Variants in NCAPH observed in about 807,000 individuals in gnomAD.
NCAPH encodes non-SMC condensin I complex subunit H.
In NCAPH, 38 loss-of-function variants were observed where a neutral mutation model predicts 85.5. That is an observed-to-expected ratio of 0.44 (90% confidence interval 0.34 to 0.58). NCAPH has a LOEUF of 0.58. Ranked by LOEUF, NCAPH falls within the 20% of genes least tolerant of loss-of-function variation. The pLI, the probability that NCAPH is intolerant of heterozygous loss-of-function variation, is 0.01. For synonymous variants in NCAPH, 301 were observed against 335.1 expected (o/e 0.90, Z 1.11); for missense variants, 789 against 916.6 (o/e 0.86, Z 1.80).
intron 6 of NCAPH, among the ~76,000 whole-genome samples, chr2:96,346,411 G>C (rs752357552): frequency 7.2e-5 from 11 of 152,128 alleles, no homozygotes; most frequent in Non-Finnish European, 1.0e-4. Context: ...GCATTATTTT[G>C]TGTCTCTGTC....
At chr2:96,358,117 T>A (rs2064548372) in intron 9 of NCAPH, among the ~76,000 whole-genome samples, 1 of 152,124 alleles carries the variant, frequency 6.6e-6, no homozygotes, top group Non-Finnish European at 1.5e-5. Flanking sequence ...TCTCTATTTT[T>A]TAAAAATGTA....
At position 96,374,048 on chromosome 2, in the gene NCAPH, A is replaced by G. The variant is rs914991832; in HGVS notation, c.*697A>G. ...GACTGGGTCCTGCTTAAATCCCAGG[A>G]TTCTGCTGGAGGGAGCTGATAGTGA... On this transcript the variant is annotated 3_prime_UTR_variant, in exon 18 of 18. Coordinates refer to ENST00000240423, the MANE Select transcript of NCAPH (RefSeq NM_015341.5). 7.2e-5 allele frequency among the ~76,000 whole-genome samples: 11 copies of G among 152,216 alleles called. No individual in the cohort carries two copies. The highest frequency in any genetic ancestry group is 2.4e-4 in the African/African-American group (10 of 41,458).
intron 10 of NCAPH, 95 bp downstream of exon 10, chr2:96,359,288 C>G (rs2064572124): frequency 1.4e-6 from 2 of 1,455,502 alleles, no homozygotes; most frequent in Non-Finnish European, 1.9e-6. Flanking sequence ...AGTCACAGCC[C>G]TGTTGTGTCT....
chr2:96,362,949 G>A (rs934099873), intron 12 of NCAPH, among the ~76,000 whole-genome samples: 14 of 152,208 alleles, frequency 9.2e-5, no homozygotes, highest in African/African-American at 2.4e-4. Context: ...AAGAAGCTCC[G>A]CTATGGATAA....
rs61098871 is a variant in NCAPH at position 96,371,143 on chromosome 2, C to T, written c.2166+1643C>T. On this transcript the variant is annotated intron_variant, in intron 17 of 17. Coordinates refer to ENST00000240423, the MANE Select transcript of NCAPH (RefSeq NM_015341.5). ...ACAAGTGGCTCTGCTGAGGATATAC[C>T]ATCTGAGGTGGGTGGTGTGCAGGCC... Among the ~76,000 whole-genome samples, 323 of 152,174 alleles carry T rather than the reference C, an allele frequency of 2.1e-3. 2 individuals carry two copies. The highest frequency in any genetic ancestry group is 7.4e-3 in the African/African-American group (309 of 41,504).
At chr2:96,348,188 CTCTT>C (rs2064386557) in intron 6 of NCAPH, among the ~76,000 whole-genome samples, 2 of 150,746 alleles carry the variant, frequency 1.3e-5, no homozygotes, top group African/African-American at 2.4e-5. Context: ...CAAGGTCTCT[CTCTT>C]TTTTTTTTTT....
intron 9 of NCAPH, among the ~76,000 whole-genome samples, chr2:96,357,799 C>T (rs2064543954): frequency 1.3e-5 from 2 of 152,012 alleles, no homozygotes; most frequent in African/African-American, 4.8e-5. Context: ...TTTTAAAAGC[C>T]TTTTTAGCTT....
At chr2:96,355,859 C>T (rs1558797081) in intron 9 of NCAPH, among the ~76,000 whole-genome samples, 1 of 152,010 alleles carries the variant, frequency 6.6e-6, no homozygotes, top group Non-Finnish European at 1.5e-5. Context: ...TGGTCTCGAT[C>T]TCCTGACCTC....
Position 96,352,012 on chromosome 2 carries a change from A to C in NCAPH, c.902A>C (p.Asp301Ala), listed in dbSNP as rs1299726146. The C allele has an allele frequency of 1.2e-6, 2 of 1,609,720 alleles. No individual in the cohort carries two copies. The highest frequency in any genetic ancestry group is 3.4e-5 in the Admixed American group (2 of 58,906). Reference sequence around the variant, plus strand: ...GAGTTAGGTTGTGTAGAAATGACAGATTTAAAAGGTAAGTACAAGTGATGC... The same window carrying C: ...GAGTTAGGTTGTGTAGAAATGACAGCTTTAAAAGGTAAGTACAAGTGATGC... The part of the protein sequence containing the change: ...LPELGCVEMT[D>A]LKAPLQQCAE... Residue 301 changes from aspartate to alanine, a missense_variant, in exon 7 of 18, where the codon GAT becomes GCT. Coordinates refer to ENST00000240423, the MANE Select transcript of NCAPH (RefSeq NM_015341.5).
chr2:96,361,776 ATATATACACATATATATGTATATATATG>A (rs2064618335), intron 12 of NCAPH, among the ~76,000 whole-genome samples: 1 of 135,176 alleles, frequency 7.4e-6, no homozygotes, highest in East Asian at 2.1e-4. Flanking sequence ...ATACATATAT[ATATATACACATATATATGTATATATATG>A]TGTATATATA....
In NCAPH at chr2:96,374,165, G is replaced by A. The variant is rs1175543090; in HGVS notation, c.*814G>A. 2.0e-5 allele frequency among the ~76,000 whole-genome samples: 3 copies of A among 152,168 alleles called. No individual in the cohort carries two copies. The highest frequency in any genetic ancestry group is 2.9e-5 in the Non-Finnish European group (2 of 68,024). On this transcript the variant is annotated 3_prime_UTR_variant, in exon 18 of 18. Coordinates refer to ENST00000240423, the MANE Select transcript of NCAPH (RefSeq NM_015341.5). ...TGACTCTCATGTTGGAGGAGGAAAC[G>A]GACACCCAAGGTAGAGGAACTTGCA... is the stretch of plus-strand genomic sequence containing the variant.
intron 9 of NCAPH, among the ~76,000 whole-genome samples, chr2:96,357,206 A>T (rs758556266): frequency 6.6e-6 from 1 of 152,212 alleles, no homozygotes; most frequent in East Asian, 1.9e-4. Flanking sequence ...TTATCTTGCC[A>T]GTGTTAGGAC....
Position 96,360,618 on chromosome 2 carries a change from G to A in NCAPH, c.1495G>A (p.Glu499Lys). 1 of 1,614,036 alleles carries A rather than the reference G, an allele frequency of 6.2e-7. No individual in the cohort carries two copies. Among genetic ancestry groups the A allele is most frequent in the Non-Finnish European group, 8.5e-7 (1 of 1,179,984 alleles). The part of the protein sequence containing the change: ...AATILTKSTL[E>K]NQNWRATTLP... ...TACTATTCTGACCAAGTCCACTTTG[G>A]AGAACCAGAATTGGAGAGCTACCAC... is the stretch of plus-strand genomic sequence containing the variant. Residue 499 changes from glutamate (E) to lysine (K), a missense_variant, in exon 12 of 18, where the codon GAG becomes AAG. Physicochemically the swap from Glu to Lys is moderately conservative, Grantham distance 56. Coordinates refer to ENST00000240423, the MANE Select transcript of NCAPH (RefSeq NM_015341.5).
chr2:96,343,097 C>T, intron 4 of NCAPH, 69 bp from the exon 5 acceptor site: 4 of 1,579,472 alleles, frequency 2.5e-6, no homozygotes, highest in Non-Finnish European at 1.7e-6. Context: ...GTGAAGCTTG[C>T]TGTGTTTTAC....
intron 4 of NCAPH, 32 bp downstream of exon 4, chr2:96,342,880 G>T: frequency 6.5e-7 from 1 of 1,545,248 alleles, no homozygotes; most frequent in South Asian, 1.1e-5. Context: ...TCTTGCATCT[G>T]AATTAAATGA....
At chr2:96,347,199 C>T (rs2064373049) in intron 6 of NCAPH, among the ~76,000 whole-genome samples, 1 of 151,982 alleles carries the variant, frequency 6.6e-6, no homozygotes. Context: ...GAAGAGAAAG[C>T]AGCCACTGCA....
chr2:96,376,236 AAGGGC>A lies in NCAPH; in HGVS notation c.*2889_*2893del, dbSNP rs2064830453. Among the ~76,000 whole-genome samples the A allele has an allele frequency of 6.6e-6, 1 of 152,246 alleles. No individual in the cohort carries two copies. The highest frequency in any genetic ancestry group is 6.5e-5 in the Admixed American group (1 of 15,292). ...TCTCTGCCAAACAGAACCAGAATTTAAGGGCAGGAGAATTTGCAAGATAGAATTTG... is the reference window on the plus strand; with the variant it reads ...TCTCTGCCAAACAGAACCAGAATTTAAGGAGAATTTGCAAGATAGAATTTG... On this transcript the variant is annotated 3_prime_UTR_variant, in exon 18 of 18. Coordinates refer to ENST00000240423, the MANE Select transcript of NCAPH (RefSeq NM_015341.5).
At chr2:96,368,947 C>T (rs1179356874) in intron 15 of NCAPH, 25 bp from the exon 16 acceptor site, 41 of 1,549,462 alleles carry the variant, frequency 2.6e-5, no homozygotes, top group Non-Finnish European at 3.3e-5. Context: ...CCTAACTGTC[C>T]GATGTATAAA....
chr2:96,354,851 C>T (rs1159519495), intron 9 of NCAPH, among the ~76,000 whole-genome samples: 1 of 152,154 alleles, frequency 6.6e-6, no homozygotes, highest in Admixed American at 6.5e-5. Context: ...GAACAAAGCA[C>T]CTGGGATCTA....
Sources: allele counts gnomAD v4.1 joint callset (sites outside exome capture counted in the v4.1 genomes callset), GRCh38; gene constraint gnomAD v4.1.1; transcripts MANE v1.5; gene names NCBI Gene and HGNC (gene_info 2026-07-23, HGNC 2026-07-21).